DDX46: variants seen among roughly 807,000 people sequenced by gnomAD.
DDX46 encodes DEAD-box helicase 46.
In DDX46, 30 loss-of-function variants were observed where a neutral mutation model predicts 134.9. That is an observed-to-expected ratio of 0.22 (90% CI 0.17 to 0.30). The LOEUF (loss-of-function observed/expected upper bound fraction) is 0.30. Among genes scored for constraint, DDX46 ranks in the 10% least tolerant of loss-of-function variants. DDX46 has a pLI of 1.00. For missense variants in DDX46, 622 were observed against 1,248.7 expected (o/e 0.50, Z 7.56); for synonymous variants, 415 against 404.1 (o/e 1.03, Z -0.32).
chr5:134,802,451 C>T (rs1412366567), intron 15 of DDX46, among the ~76,000 whole-genome samples: 1 of 151,370 alleles, frequency 6.6e-6, no homozygotes, highest in Non-Finnish European at 1.5e-5. Context: ...CGTGAGCCAC[C>T]GTGTTTGGCC....
At chr5:134,763,869 G>A in intron 1 of DDX46, 35 bp from the exon 2 acceptor site, 2 of 1,575,512 alleles carry the variant, frequency 1.3e-6, no homozygotes, top group Non-Finnish European at 1.7e-6. Flanking sequence ...AGCTAATGGT[G>A]TTTGCTGAAC....
At position 134,828,381 on chromosome 5, in the gene DDX46, C is replaced by G. The variant is rs150913741; in HGVS notation, c.3052-278C>G. ...GGAGTGGTCGAAAAGAATCTTGTGC[C>G]CATAGATGCTACCACCATTAGGTTG... On this transcript the variant is annotated intron_variant, in intron 22 of 22. Coordinates refer to ENST00000452510, the MANE Select transcript of DDX46 (RefSeq NM_001300860.2). Among the ~76,000 whole-genome samples the G allele has an allele frequency of 7.2e-3, 1,092 of 152,128 alleles. 5 individuals carry two copies. Among genetic ancestry groups the G allele is most frequent in the Middle Eastern group, 0.041 (12 of 292 alleles).
At chr5:134,781,398 T>C in intron 7 of DDX46, 152 bp downstream of exon 7, 1 of 621,502 alleles carries the variant, frequency 1.6e-6, no homozygotes, top group Non-Finnish European at 2.8e-6. Context: ...TATAATAGTA[T>C]CTAGTTAAAT....
intron 20 of DDX46, among the ~76,000 whole-genome samples, chr5:134,818,518 A>G (rs1755347453): frequency 6.6e-6 from 1 of 150,644 alleles, no homozygotes; most frequent in African/African-American, 2.4e-5. Context: ...CCTGACCAAC[A>G]TGGTGAAACC....
chr5:134,827,848 G>A (rs898657287), intron 22 of DDX46, among the ~76,000 whole-genome samples: 5 of 151,980 alleles, frequency 3.3e-5, no homozygotes, highest in African/African-American at 1.2e-4. Flanking sequence ...TATTCCATGT[G>A]CGTTTGGTAT....
Position 134,767,167 on chromosome 5 carries a change from G to A in DDX46, c.350+107G>A, listed in dbSNP as rs1487827380. On this transcript the variant is annotated intron_variant, in intron 3 of 22. Coordinates refer to ENST00000452510, the MANE Select transcript of DDX46 (RefSeq NM_001300860.2). Reference sequence around the variant, plus strand: ...AGTTTGTATTTATAGAGAATTAACTGCATTTGGCTCCTACCATGAACTGTT... The same window carrying A: ...AGTTTGTATTTATAGAGAATTAACTACATTTGGCTCCTACCATGAACTGTT... The A allele has an allele frequency of 2.2e-6, 3 of 1,372,482 alleles. No individual in the cohort carries two copies. The Admixed American group carries it at 8.7e-5, about 40-fold the overall frequency. 85.0% of individuals were successfully genotyped at this position (1,372,482 alleles called of 1,614,324 possible). A position where few individuals can be genotyped will look rare whatever the true frequency, so the allele number is the denominator to read the frequency against.
intron 18 of DDX46, among the ~76,000 whole-genome samples, chr5:134,812,751 T>C (rs1321052114): frequency 8.6e-5 from 13 of 151,882 alleles, no homozygotes; most frequent in Middle Eastern, 3.4e-3. Flanking sequence ...GATTTTCCTG[T>C]TTCAGCCTCC....
chr5:134,812,425 A>G (rs1755172193), intron 18 of DDX46, among the ~76,000 whole-genome samples: 2 of 152,108 alleles, frequency 1.3e-5, no homozygotes, highest in Admixed American at 1.3e-4. Context: ...AAATTCCCCA[A>G]CATACCTGAT....
chr5:134,809,993 G>A (rs1755096536), intron 16 of DDX46, among the ~76,000 whole-genome samples: 2 of 152,122 alleles, frequency 1.3e-5, no homozygotes, highest in South Asian at 2.1e-4. Flanking sequence ...AGCCTGGGCA[G>A]CAGGAGCAAA....
intron 15 of DDX46, among the ~76,000 whole-genome samples, chr5:134,800,589 C>G (rs1413233288): frequency 3.3e-5 from 5 of 152,270 alleles, no homozygotes; most frequent in Non-Finnish European, 7.3e-5. Context: ...AAAACTCCCT[C>G]ATCGTGTCCC....
rs1163733858 is a variant in DDX46 at position 134,768,893 on chromosome 5, T to C, written c.350+1833T>C. Among the ~76,000 whole-genome samples, 17 of 152,096 alleles carry C rather than the reference T, an allele frequency of 1.1e-4. 1 individual carries two copies. The highest frequency in any genetic ancestry group is 1.1e-3 in the Admixed American group (17 of 15,248). ...GACCAACATGGTGAAACCTCGTCTTTACTAAAAGTAAAAAATTAGTCAGGT... is the reference window on the plus strand; with the variant it reads ...GACCAACATGGTGAAACCTCGTCTTCACTAAAAGTAAAAAATTAGTCAGGT... On this transcript the variant is annotated intron_variant, in intron 3 of 22. Coordinates refer to ENST00000452510, the MANE Select transcript of DDX46 (RefSeq NM_001300860.2).
At chr5:134,788,407 A>T in intron 11 of DDX46, 106 bp from the exon 12 acceptor site, 3 of 822,158 alleles carry the variant, frequency 3.6e-6, no homozygotes, top group Non-Finnish European at 5.8e-6. Context: ...ATTAAGCAGG[A>T]AGCTTGGAAG....
chr5:134,790,071 A>G (rs2150145880), intron 12 of DDX46: 1 of 459,054 alleles, frequency 2.2e-6, no homozygotes, highest in Non-Finnish European at 4.4e-6. Flanking sequence ...TGCTTTCCAC[A>G]CATACGCTGT....
In DDX46 at chr5:134,828,701, T is replaced by A; in HGVS notation, c.3094T>A (p.Leu1032Ile). Residue 1032 changes from leucine to isoleucine, a missense_variant, in exon 23 of 23, where the codon TTA (leucine) becomes ATA (isoleucine). Transcript: ENST00000452510. ...QPTNKGRYKV[L>I] Reference sequence around the variant, plus strand: ...AACAAATAAAGGAAGATACAAAGTCTTATAGACATCCGGAAAAAAGATTTT... The same window carrying A: ...AACAAATAAAGGAAGATACAAAGTCATATAGACATCCGGAAAAAAGATTTT... 1 of 1,512,778 alleles carries A rather than the reference T, an allele frequency of 6.6e-7. No homozygotes were observed. Among genetic ancestry groups the A allele is most frequent in the Non-Finnish European group, 8.8e-7 (1 of 1,135,148 alleles). 93.7% of individuals were successfully genotyped at this position (1,512,778 alleles called of 1,614,324 possible). A position where few individuals can be genotyped will look rare whatever the true frequency, so the allele number is the denominator to read the frequency against.
chr5:134,759,208 G>C lies in DDX46; in HGVS notation c.17+253G>C, dbSNP rs538309569. On this transcript the variant is annotated intron_variant, in intron 1 of 22. Transcript: ENST00000452510. ...GGGAACAACCCTCCAGGACGTTAGT[G>C]ATTGGGCACCACATCCCGCCACTTC... 2.0e-5 allele frequency among the ~76,000 whole-genome samples: 3 copies of C among 152,318 alleles called. No individual in the cohort carries two copies. In the East Asian group the frequency reaches 5.8e-4, roughly 29 times the overall value.
At chr5:134,820,681 A>G (rs1176930886) in intron 21 of DDX46, among the ~76,000 whole-genome samples, 2 of 152,188 alleles carry the variant, frequency 1.3e-5, no homozygotes, top group Admixed American at 1.3e-4. Flanking sequence ...AATTCATGTA[A>G]CAAAAGTTTG....
intron 15 of DDX46, among the ~76,000 whole-genome samples, chr5:134,803,663 T>G (rs1044921676): frequency 6.6e-6 from 1 of 152,212 alleles, no homozygotes; most frequent in Non-Finnish European, 1.5e-5. Context: ...TCTGCTGCTG[T>G]TAGTCGCTCT....
chr5:134,785,397 A>G, intron 10 of DDX46, 68 bp from the exon 11 acceptor site: 1 of 1,462,044 alleles, frequency 6.8e-7, no homozygotes, highest in African/African-American at 1.4e-5. Context: ...TAAAGGTTAA[A>G]TTGAACACTA....
At chr5:134,778,923 T>G (rs1259242799) in intron 6 of DDX46, among the ~76,000 whole-genome samples, 1 of 151,866 alleles carries the variant, frequency 6.6e-6, no homozygotes, top group Non-Finnish European at 1.5e-5. Context: ...TGAGATGGAG[T>G]GTCGCCTTTG....
Sources: gnomAD v4.1 joint callset for allele counts (sites outside exome capture counted in the v4.1 genomes callset) on GRCh38, gnomAD v4.1.1 for gene constraint, MANE v1.5 for transcripts, NCBI Gene and HGNC (gene_info 2026-07-23, HGNC 2026-07-21) for gene names.